TXK: variants seen among roughly 807,000 people sequenced by gnomAD.
The protein encoded by TXK is tyrosine-protein kinase TXK.
TXK carries 60 observed loss-of-function variants against 81.0 expected under a neutral mutation model. That is an observed-to-expected ratio of 0.74 (90% confidence interval 0.60 to 0.92). The LOEUF is 0.92. Among genes scored for constraint, TXK ranks in the 40% least tolerant of loss-of-function variants. TXK has a pLI of 0.00. For synonymous variants in TXK, 203 were observed against 210.7 expected (o/e 0.96, Z 0.32); for missense variants, 581 against 638.3 (o/e 0.91, Z 0.97).
Position 48,086,589 on chromosome 4 carries a change from C to G in TXK, c.833G>C (p.Gly278Ala). 1.9e-6 allele frequency: 3 copies of G among 1,614,114 alleles called. No homozygotes were observed. The highest frequency in any genetic ancestry group is 1.7e-6 in the Non-Finnish European group (2 of 1,179,988). Reference sequence around the variant, plus strand: ...ATGGACCACTCCAAACTGACCGCTTCCAATCTCCTTTATAAAAGCCAACTC... The same window carrying G: ...ATGGACCACTCCAAACTGACCGCTTGCAATCTCCTTTATAAAAGCCAACTC... ...PSELAFIKEIGSGQFGVVHLG... is the reference protein window; with the variant it reads ...PSELAFIKEIASGQFGVVHLG... The change falls in exon 10 of 15, where the codon GGA (glycine) becomes GCA (alanine). Residue 278 changes from glycine to alanine, a missense_variant. Physicochemically the swap from Gly to Ala is moderately conservative, Grantham distance 60 (BLOSUM62 0). Coordinates refer to ENST00000264316, the MANE Select transcript of TXK (RefSeq NM_003328.3).
intron 11 of TXK, among the ~76,000 whole-genome samples, chr4:48,077,614 C>T (rs1213564955): frequency 6.6e-6 from 1 of 151,998 alleles, no homozygotes; most frequent in African/African-American, 2.4e-5. Context: ...GAAAGACAAA[C>T]CTGCAGAGAC....
intron 9 of TXK, among the ~76,000 whole-genome samples, chr4:48,088,462 T>A (rs1473048177): frequency 2.0e-5 from 3 of 152,228 alleles, no homozygotes; most frequent in Non-Finnish European, 4.4e-5. Flanking sequence ...AGTTGTGGTA[T>A]GTCATGCAGT....
intron 5 of TXK, among the ~76,000 whole-genome samples, chr4:48,109,199 C>A (rs1489479983): frequency 7.0e-6 from 1 of 142,584 alleles, no homozygotes; most frequent in African/African-American, 2.6e-5. Flanking sequence ...TTTTTTCTGT[C>A]CTTTTTTTAT....
rs1258323798 is a variant in TXK, at chr4:48,067,563, C to T, written c.*74G>A. ...AAGAAAGATATTCACCATAAGTGAC[C>T]CCATATGGTGAAGATATTCACAATA... On this transcript the variant is annotated 3_prime_UTR_variant, in exon 15 of 15. Transcript: ENST00000264316. 6 of 1,429,994 alleles carry T rather than the reference C, an allele frequency of 4.2e-6. No individual in the cohort carries two copies. In the South Asian group the frequency reaches 5.7e-5, roughly 14 times the overall value. The allele number at this position is 1,429,994 out of a possible 1,614,324, so 88.6% of individuals were successfully genotyped here. A position where few individuals can be genotyped will look rare whatever the true frequency, so the allele number is the denominator to read the frequency against.
At chr4:48,085,959 G>C (rs1717511773) in intron 10 of TXK, among the ~76,000 whole-genome samples, 1 of 152,192 alleles carries the variant, frequency 6.6e-6, no homozygotes, top group Non-Finnish European at 1.5e-5. Flanking sequence ...GGATGCAAAA[G>C]GCTGTCACCC....
chr4:48,085,407 GA>G (rs924737090), intron 10 of TXK, among the ~76,000 whole-genome samples: 34 of 146,558 alleles, frequency 2.3e-4, no homozygotes, highest in Admixed American at 1.7e-3. Context: ...CTGGGAAAAG[GA>G]AAAAAAAAAG....
Position 48,086,446 on chromosome 4 carries a change from AG to A in TXK, c.956+19del, listed in dbSNP as rs758076667. On this transcript the variant is annotated intron_variant, in intron 10 of 14. Coordinates refer to ENST00000264316, the MANE Select transcript of TXK (RefSeq NM_003328.3). ...ACCAGGGCATGGTATGATATTTATC[AG>A]GGTGTTGTTTATACGTACATCATCA... The A allele has an allele frequency of 2.5e-6, 4 of 1,612,382 alleles. No individual in the cohort carries two copies. The highest frequency in any genetic ancestry group is 1.7e-5 in the Admixed American group (1 of 59,944).
chr4:48,120,186 TATAC>T (rs1718916001), intron 1 of TXK, among the ~76,000 whole-genome samples: 4 of 93,808 alleles, frequency 4.3e-5, no homozygotes, highest in South Asian at 5.4e-4. Flanking sequence ...TATGTGTATA[TATAC>T]ATACACACAT....
At chr4:48,120,894 T>C (rs1307186785) in intron 1 of TXK, among the ~76,000 whole-genome samples, 2 of 152,058 alleles carry the variant, frequency 1.3e-5, no homozygotes, top group Admixed American at 6.6e-5. Context: ...ACTGCTCTTG[T>C]TAAGGTCACC....
rs558585367 is a variant in TXK, at chr4:48,129,971, G to A, written c.16+4184C>T. 2.5e-4 allele frequency among the ~76,000 whole-genome samples: 38 copies of A among 152,356 alleles called. 1 individual carries two copies. In the South Asian group the frequency reaches 7.5e-3, roughly 30 times the overall value. On this transcript the variant is annotated intron_variant, in intron 1 of 14. Coordinates refer to ENST00000264316, the MANE Select transcript of TXK (RefSeq NM_003328.3). ...GAAGCCGTACTGCTCACTGACCCTC[G>A]GTGGGCAGGGAGTGTGGGCACTGCT...
At chr4:48,079,879 C>CA (rs11358014) in intron 11 of TXK, 33 bp downstream of exon 11, 13,318 of 1,244,368 alleles carry the variant, frequency 0.011, 5 homozygotes, top group East Asian at 0.02. Flanking sequence ...AGGTATGATA[C>CA]AAAAAAAAAA....
chr4:48,105,103 C>A (rs1718410036), intron 5 of TXK, 148 bp from the exon 6 acceptor site: 1 of 539,972 alleles, frequency 1.9e-6, no homozygotes, highest in Non-Finnish European at 3.3e-6. Context: ...CAATAATATA[C>A]TATTGTGGGT....
intron 11 of TXK, among the ~76,000 whole-genome samples, chr4:48,077,793 A>G (rs1440737754): frequency 6.6e-6 from 1 of 152,140 alleles, no homozygotes; most frequent in Non-Finnish European, 1.5e-5. Flanking sequence ...CATGCTAGAC[A>G]CTGTTTATTA....
At chr4:48,108,739 A>G (rs1453962834) in intron 5 of TXK, among the ~76,000 whole-genome samples, 1 of 152,234 alleles carries the variant, frequency 6.6e-6, no homozygotes. Flanking sequence ...ACATATATAA[A>G]TCAAGGCCCA....
intron 7 of TXK, 105 bp downstream of exon 7, chr4:48,095,038 A>G: frequency 1.0e-6 from 1 of 962,842 alleles, no homozygotes; most frequent in Non-Finnish European, 1.6e-6. Flanking sequence ...TCTAACTTCC[A>G]GGTCAACAAT....
chr4:48,114,524 T>C (rs1194737956), intron 1 of TXK, 122 bp from the exon 2 acceptor site: 27 of 987,258 alleles, frequency 2.7e-5, no homozygotes, highest in Non-Finnish European at 1.6e-6. Context: ...CGTGCCTTCC[T>C]TCACTAGTGG....
chr4:48,076,042 A>T (rs1388448180), intron 12 of TXK, among the ~76,000 whole-genome samples: 1 of 152,122 alleles, frequency 6.6e-6, no homozygotes, highest in Non-Finnish European at 1.5e-5. Flanking sequence ...GAGGACACAG[A>T]AAAATCAGAG....
intron 9 of TXK, among the ~76,000 whole-genome samples, chr4:48,087,243 G>GT (rs1491067450): frequency 1.1e-5 from 1 of 94,494 alleles, no homozygotes; most frequent in African/African-American, 3.1e-5. Flanking sequence ...AAAATAAACT[G>GT]TTTTTAAAAT....
At chr4:48,129,203 T>C (rs1283999022) in intron 1 of TXK, among the ~76,000 whole-genome samples, 2 of 152,238 alleles carry the variant, frequency 1.3e-5, no homozygotes, top group Non-Finnish European at 2.9e-5. Flanking sequence ...CCTGTGTCTG[T>C]GTTCGCACGT....
Sources: allele counts gnomAD v4.1 joint callset (sites outside exome capture counted in the v4.1 genomes callset), GRCh38; gene constraint gnomAD v4.1.1; transcripts MANE v1.5; gene names NCBI Gene and HGNC (gene_info 2026-07-23, HGNC 2026-07-21).